Variants in SLF1 observed in about 807,000 individuals in gnomAD.
The protein encoded by SLF1 is SMC5/6 complex localization factor 1, also known as SMC5-SMC6 complex localization factor protein 1.
A neutral mutation model predicts 123.0 loss-of-function variants in SLF1; 105 were observed. The observed-to-expected ratio is 0.85, with a 90% CI of 0.73 to 1.00. SLF1 has a LOEUF of 1.00. SLF1 is among the 50% of genes least tolerant of loss of function. SLF1 has a pLI of 0.00. For missense variants in SLF1, 1,239 were observed against 1,223.0 expected (o/e 1.01, Z -0.20); for synonymous variants, 434 against 406.6 (o/e 1.07, Z -0.81).
At chr5:94,642,947 G>T (rs974962919) in intron 4 of SLF1, among the ~76,000 whole-genome samples, 1 of 151,826 alleles carries the variant, frequency 6.6e-6, no homozygotes, top group Non-Finnish European at 1.5e-5. Context: ...GAGGATAGCC[G>T]CTTCCTTAGA....
At chr5:94,627,830 G>A (rs560423642) in intron 1 of SLF1, among the ~76,000 whole-genome samples, 7 of 150,588 alleles carry the variant, frequency 4.6e-5, no homozygotes, top group Non-Finnish European at 1.0e-4. Context: ...GCGAACAACA[G>A]TACTTTTTTT....
chr5:94,649,381 G>C (rs1747423883), intron 5 of SLF1, 73 bp from the exon 6 acceptor site: 1 of 1,229,494 alleles, frequency 8.1e-7, no homozygotes, highest in African/African-American at 1.5e-5. Flanking sequence ...AGTTAAAGTT[G>C]AGTACCATAA....
At chr5:94,679,952 A>G (rs1751573591) in intron 15 of SLF1, among the ~76,000 whole-genome samples, 1 of 151,904 alleles carries the variant, frequency 6.6e-6, no homozygotes, top group Admixed American at 6.6e-5. Context: ...TTATTTCTTT[A>G]TTTCTGTAAT....
chr5:94,623,594 C>G (rs1791984195), intron 1 of SLF1, among the ~76,000 whole-genome samples: 2 of 151,922 alleles, frequency 1.3e-5, no homozygotes, highest in African/African-American at 4.8e-5. Context: ...AAAATAACCA[C>G]TGGTACAATT....
intron 15 of SLF1, among the ~76,000 whole-genome samples, chr5:94,686,064 G>A (rs1752396076): frequency 6.6e-6 from 1 of 151,156 alleles, no homozygotes; most frequent in Non-Finnish European, 1.5e-5. Flanking sequence ...TCTTTACCTT[G>A]TGCCTTTCCT....
At chr5:94,689,352 A>G (rs1440923670) in intron 17 of SLF1, 121 bp from the exon 18 acceptor site, 2 of 995,006 alleles carry the variant, frequency 2.0e-6, no homozygotes, top group Admixed American at 3.3e-5. Context: ...AGCAGTAAAG[A>G]TTGAATGAGT....
intron 5 of SLF1, among the ~76,000 whole-genome samples, chr5:94,646,467 G>A (rs1161436198): frequency 5.9e-5 from 9 of 152,144 alleles, no homozygotes. Context: ...TTTAGCAATG[G>A]AGAAAAAGCA....
chr5:94,662,428 A>C (rs1585176632), intron 10 of SLF1, 77 bp downstream of exon 10: 1 of 1,290,994 alleles, frequency 7.7e-7, no homozygotes, highest in South Asian at 1.5e-5. Context: ...TTTTGAATAA[A>C]AGTAATGTGT....
At chr5:94,647,492 A>G (rs538554704) in intron 5 of SLF1, among the ~76,000 whole-genome samples, 1 of 152,342 alleles carries the variant, frequency 6.6e-6, no homozygotes, top group East Asian at 1.9e-4. Flanking sequence ...TCATTGCCAC[A>G]ACTGTGTTGC....
rs1231766446 is a variant in SLF1, at chr5:94,683,162, T to C, written c.1976-3411T>C. ...CCTTTGCCTTTCTCAGATTACATCA[T>C]TATTGCCTGATAAATACTTTTTCCA... On this transcript the variant is annotated intron_variant, in intron 15 of 20. Transcript: ENST00000265140. Among the ~76,000 whole-genome samples the C allele has an allele frequency of 1.3e-5, 2 of 152,224 alleles. 1 individual carries two copies. The highest frequency in any genetic ancestry group is 4.8e-5 in the African/African-American group (2 of 41,462).
chr5:94,672,579 T>C (rs1392274627), intron 14 of SLF1, among the ~76,000 whole-genome samples: 1 of 152,064 alleles, frequency 6.6e-6, no homozygotes, highest in Non-Finnish European at 1.5e-5. Context: ...TTTTAGTTCA[T>C]TAGTTCTTTC....
At chr5:94,664,018 T>C (rs1441056276) in intron 11 of SLF1, 110 bp downstream of exon 11, 10 of 1,142,222 alleles carry the variant, frequency 8.8e-6, no homozygotes, top group Non-Finnish European at 1.1e-5. Flanking sequence ...CAGTGTTTTT[T>C]TTTCTTCATT....
At chr5:94,669,563 G>T (rs1750200752) in intron 12 of SLF1, among the ~76,000 whole-genome samples, 1 of 151,972 alleles carries the variant, frequency 6.6e-6, no homozygotes, top group Non-Finnish European at 1.5e-5. Flanking sequence ...TTCAGACAAA[G>T]TAATTAAAAA....
rs1464354077 is a variant in SLF1, at chr5:94,643,414, T to C, written c.573T>C (p.Tyr191=). 36 of 1,487,786 alleles carry C rather than the reference T, an allele frequency of 2.4e-5. No homozygotes were observed. The highest frequency in any genetic ancestry group is 3.0e-5 in the Non-Finnish European group (34 of 1,116,680). The allele number at this position is 1,487,786 out of a possible 1,614,324, so 92.2% of individuals were successfully genotyped here. The change falls in exon 5 of 21, where the codon TAT becomes TAC. Residue 191 remains tyrosine, a synonymous_variant. Coordinates refer to ENST00000265140, the MANE Select transcript of SLF1 (RefSeq NM_032290.4). ...AGGCTCCATTTTATCCAATTCAGTA[T>C]CTAGGGGATTTTCTTTTAGAGGTAA... ...NFKAPFYPIQ[Y]LGDFLLEKEI...
At chr5:94,639,008 T>A (rs1453549500) in intron 4 of SLF1, among the ~76,000 whole-genome samples, 3 of 151,852 alleles carry the variant, frequency 2.0e-5, no homozygotes, top group Non-Finnish European at 4.4e-5. Context: ...TTGCTGTTTA[T>A]TTTTTTCTCA....
Position 94,644,301 on chromosome 5 carries a change from TTAG to T in SLF1, c.594+869_594+871del, listed in dbSNP as rs796697423. Among the ~76,000 whole-genome samples the T allele has an allele frequency of 3.3e-4, 50 of 152,254 alleles. 1 individual carries two copies. Among genetic ancestry groups the T allele is most frequent in the African/African-American group, 1.2e-3 (49 of 41,564 alleles). On this transcript the variant is annotated intron_variant, in intron 5 of 20. Transcript: ENST00000265140. ...TTCCTAGTTACTCTTTCTTTTTCCT[TTAG>T]TATATTCTAGCTCATTCAGAAAGAG...
rs1034395621 is a variant in SLF1 at position 94,697,120 on chromosome 5, C to T, written c.*1808C>T. On this transcript the variant is annotated 3_prime_UTR_variant, in exon 21 of 21. Coordinates refer to ENST00000265140, the MANE Select transcript of SLF1 (RefSeq NM_032290.4). ...CATTAATATTTCATAATTGACTGCT[C>T]TGTCTGCCAACTTCTACAAGCAGTG... 2 of 151,814 alleles carry T rather than the reference C, an allele frequency of 1.3e-5. No individual in the cohort carries two copies. The highest frequency in any genetic ancestry group is 2.9e-5 in the Non-Finnish European group (2 of 67,870). The allele number at this position is 151,814 out of a possible 1,614,324, so 9.4% of individuals were successfully genotyped here. A position where few individuals can be genotyped will look rare whatever the true frequency, so the allele number is the denominator to read the frequency against.
At chr5:94,684,214 T>G (rs1585227068) in intron 15 of SLF1, among the ~76,000 whole-genome samples, 1 of 152,348 alleles carries the variant, frequency 6.6e-6, no homozygotes, top group Non-Finnish European at 1.5e-5. Context: ...AAGAGATCAA[T>G]TGGTTGCAGT....
chr5:94,688,650 G>A lies in SLF1; in HGVS notation c.2266G>A (p.Glu756Lys), dbSNP rs1166576539. Reference sequence around the variant, plus strand: ...GAATGGTACTAAACAAAAACAAGTCGAAGGGCTGCCAGAGTTACTGTAAGT... The same window carrying A: ...GAATGGTACTAAACAAAAACAAGTCAAAGGGCTGCCAGAGTTACTGTAAGT... ...MLNGTKQKQV[E>K]GLPELLDLNL... Residue 756 changes from glutamate to lysine, a missense_variant, in exon 17 of 21, where the codon GAA becomes AAA. Glu to Lys is a moderately conservative substitution (Grantham distance 56, BLOSUM62 1). Transcript: ENST00000265140. The A allele has an allele frequency of 1.5e-5, 24 of 1,613,836 alleles. No individual in the cohort carries two copies. Among genetic ancestry groups the A allele is most frequent in the East Asian group, 2.2e-5 (1 of 44,858 alleles).
Sources: allele counts gnomAD v4.1 joint callset (sites outside exome capture counted in the v4.1 genomes callset), GRCh38; gene constraint gnomAD v4.1.1; transcripts MANE v1.5; gene names NCBI Gene and HGNC (gene_info 2026-07-23, HGNC 2026-07-21).